RAB33B: variants seen among roughly 807,000 people sequenced by gnomAD.
RAB33B encodes ras-related protein Rab-33B.
In RAB33B, 6 loss-of-function variants were observed where a neutral mutation model predicts 15.0. The ratio of observed to expected loss-of-function variants is 0.40; its 90% CI spans 0.22 to 0.79. The LOEUF (loss-of-function observed/expected upper bound fraction) is 0.79, where lower values mean the gene tolerates loss of function less well. RAB33B is among the 30% of genes least tolerant of loss of function. The pLI, the probability that RAB33B is intolerant of heterozygous loss-of-function variation, is 0.37. For synonymous variants in RAB33B, 117 were observed against 108.3 expected (o/e 1.08, Z -0.50); for missense variants, 257 against 296.4 (o/e 0.87, Z 0.98).
At position 139,475,961 on chromosome 4, in the gene RAB33B, TAAAA is replaced by T. The variant is rs1232996680; in HGVS notation, c.*2836_*2839del. The T allele has an allele frequency of 6.6e-6, 1 of 152,126 alleles. No individual in the cohort carries two copies. Among genetic ancestry groups the T allele is most frequent in the Non-Finnish European group, 1.5e-5 (1 of 67,996 alleles). 9.4% of individuals were successfully genotyped at this position (152,126 alleles called of 1,614,324 possible). ...TTTGGTTACTGGGTAGAGTATAAAATAAAACAATCTTTTTTTCCTCCTGGTTTCC... is the reference window on the plus strand; with the variant it reads ...TTTGGTTACTGGGTAGAGTATAAAATCAATCTTTTTTTCCTCCTGGTTTCC... On this transcript the variant is annotated 3_prime_UTR_variant, in exon 2 of 2. Transcript: ENST00000305626.
chr4:139,460,604 A>T (rs973473134), intron 1 of RAB33B, among the ~76,000 whole-genome samples: 4 of 152,192 alleles, frequency 2.6e-5, no homozygotes. Context: ...ATTTCTTAAA[A>T]TGTGGTATTG....
At chr4:139,461,162 C>T (rs1750164525) in intron 1 of RAB33B, among the ~76,000 whole-genome samples, 1 of 152,164 alleles carries the variant, frequency 6.6e-6, no homozygotes, top group Admixed American at 6.5e-5. Context: ...TCTACATGCC[C>T]ATTCCTAAAC....
chr4:139,474,846 CT>C lies in RAB33B; in HGVS notation c.*1722del, dbSNP rs1369460285. 5 of 152,466 alleles carry C rather than the reference CT, an allele frequency of 3.3e-5. No homozygotes were observed. The East Asian group carries it at 9.6e-4, about 29-fold the overall frequency. 9.4% of individuals were successfully genotyped at this position (152,466 alleles called of 1,614,324 possible). On this transcript the variant is annotated 3_prime_UTR_variant, in exon 2 of 2. Coordinates refer to ENST00000305626, the MANE Select transcript of RAB33B (RefSeq NM_031296.3). The stretch of plus-strand genomic sequence containing the variant: ...TCACTAATTTTGATAGATTGCTGTC[CT>C]TAATAATTTTGGAGGAAATTAAGCC...
At chr4:139,463,852 GGCAGCA>G in intron 1 of RAB33B, among the ~76,000 whole-genome samples, 1 of 152,186 alleles carries the variant, frequency 6.6e-6, no homozygotes, top group Non-Finnish European at 1.5e-5. Context: ...GAAGGCAGCA[GGCAGCA>G]GTAGCCCTAA....
intron 1 of RAB33B, among the ~76,000 whole-genome samples, chr4:139,459,906 C>T (rs1750140096): frequency 6.6e-6 from 1 of 152,196 alleles, no homozygotes; most frequent in Non-Finnish European, 1.5e-5. Flanking sequence ...GCTGGGATTA[C>T]AGGCGTGAGC....
rs1750013397 is a variant in RAB33B at position 139,454,152 on chromosome 4, C to T, written c.-44C>T. ...GCGGTGGCGTAATCTCTCAGCCTTT[C>T]TGTGTCTCCTTTCCTCCGCCTCAGT... On this transcript the variant is annotated 5_prime_UTR_variant, in exon 1 of 2. Transcript: ENST00000305626. 2 of 1,570,740 alleles carry T rather than the reference C, an allele frequency of 1.3e-6. No individual in the cohort carries two copies. Among genetic ancestry groups the T allele is most frequent in the Admixed American group, 1.8e-5 (1 of 55,438 alleles).
In RAB33B at chr4:139,454,254, C is replaced by T; in HGVS notation, c.59C>T (p.Ser20Leu). 1 of 1,614,096 alleles carries T rather than the reference C, an allele frequency of 6.2e-7. No individual in the cohort carries two copies. The highest frequency in any genetic ancestry group is 1.7e-4 in the Middle Eastern group (1 of 6,056). The stretch of plus-strand genomic sequence containing the variant: ...AGCTTTTCGTCCAGCGGGGCAGTGT[C>T]AGGGGCCTCAGGGTTTTTGCCTCCT... ...EASFSSSGAVSGASGFLPPAR... is the reference protein window; with the variant it reads ...EASFSSSGAVLGASGFLPPAR... Residue 20 changes from serine (S) to leucine (L), a missense_variant, in exon 1 of 2, where the codon TCA becomes TTA. Transcript: ENST00000305626.
upstream of RAB33B, chr4:139,454,004 G>C: frequency 1.9e-6 from 1 of 522,092 alleles, no homozygotes; most frequent in Non-Finnish European, 3.1e-6. Context: ...CGGCGGGGCG[G>C]GCGGGTGCCA....
chr4:139,468,687 G>A (rs1046008842), intron 1 of RAB33B, among the ~76,000 whole-genome samples: 2 of 152,104 alleles, frequency 1.3e-5, no homozygotes, highest in Non-Finnish European at 2.9e-5. Context: ...TGTATTGCTC[G>A]TTAATGTCCT....
the RAB33B span, among the ~76,000 whole-genome samples, chr4:139,445,325 T>C: frequency 3.3e-5 from 5 of 152,254 alleles, no homozygotes; most frequent in African/African-American, 4.8e-5. Context: ...TGGAGAGAAC[T>C]TGATCTCTTT....
At chr4:139,453,757 C>T (rs1396250261), upstream of RAB33B, 1 of 154,624 alleles carries the variant, frequency 6.5e-6, no homozygotes, top group African/African-American at 2.4e-5. Flanking sequence ...CCCGTGGTAC[C>T]TCCTTCCTCT....
At chr4:139,463,246 C>T (rs1374161581) in intron 1 of RAB33B, among the ~76,000 whole-genome samples, 2 of 152,296 alleles carry the variant, frequency 1.3e-5, no homozygotes, top group South Asian at 2.1e-4. Context: ...CTAACCGCAA[C>T]CTCTGCCTCC....
chr4:139,439,309 A>G, the RAB33B span, among the ~76,000 whole-genome samples: 1 of 152,166 alleles, frequency 6.6e-6, no homozygotes, highest in Non-Finnish European at 1.5e-5. Flanking sequence ...CAGATATGGA[A>G]TTCTTGATTG....
At chr4:139,470,039 A>G (rs34293696) in intron 1 of RAB33B, among the ~76,000 whole-genome samples, 31,159 of 152,084 alleles carry the variant, frequency 0.2, 3,524 homozygotes, top group Non-Finnish European at 0.26. Flanking sequence ...GGCCTGCTGT[A>G]ACTACTCCCT....
chr4:139,454,764 C>G (rs1198455205), intron 1 of RAB33B, among the ~76,000 whole-genome samples: 1 of 152,028 alleles, frequency 6.6e-6, no homozygotes, highest in Non-Finnish European at 1.5e-5. Context: ...TATCTACCGA[C>G]CCATTTACTG....
intron 1 of RAB33B, among the ~76,000 whole-genome samples, chr4:139,471,683 G>C (rs1750395398): frequency 6.6e-6 from 1 of 152,108 alleles, no homozygotes; most frequent in Non-Finnish European, 1.5e-5. Context: ...AAGTGACCCT[G>C]ATGCCTTGGA....
At chr4:139,469,424 G>T (rs937137819) in intron 1 of RAB33B, among the ~76,000 whole-genome samples, 1 of 152,032 alleles carries the variant, frequency 6.6e-6, no homozygotes, top group Non-Finnish European at 1.5e-5. Flanking sequence ...GTGTTATCTC[G>T]AGTTTCTTTA....
the RAB33B span, among the ~76,000 whole-genome samples, chr4:139,445,193 C>A: frequency 3.3e-5 from 5 of 152,248 alleles, no homozygotes; most frequent in African/African-American, 1.2e-4. Context: ...ATGCCTTTTT[C>A]TCCATTCCTG....
chr4:139,473,633 C>T lies in RAB33B; in HGVS notation c.*507C>T, dbSNP rs1321226392. ...CTGGGCTCAAGCAATCCTCCCACCT[C>T]AGCCTCCCCAGTACTGGGACTGTAG... On this transcript the variant is annotated 3_prime_UTR_variant, in exon 2 of 2. Transcript: ENST00000305626. 6.4e-6 allele frequency: 1 copy of T among 155,462 alleles called. No individual in the cohort carries two copies. Among genetic ancestry groups the T allele is most frequent in the African/African-American group, 2.4e-5 (1 of 41,470 alleles). 9.6% of individuals were successfully genotyped at this position (155,462 alleles called of 1,614,324 possible). A position where few individuals can be genotyped will look rare whatever the true frequency, so the allele number is the denominator to read the frequency against.
Sources: allele counts gnomAD v4.1 joint callset (sites outside exome capture counted in the v4.1 genomes callset), GRCh38; gene constraint gnomAD v4.1.1; transcripts MANE v1.5; gene names NCBI Gene and HGNC (gene_info 2026-07-23, HGNC 2026-07-21).